The following CBLB variants were observed in gnomAD, a reference collection of about 807,000 sequenced individuals.
CBLB encodes Cbl proto-oncogene B.
A neutral mutation model predicts 104.9 loss-of-function variants in CBLB; 31 were observed. That is an observed-to-expected ratio of 0.30 (90% CI 0.22 to 0.40). The LOEUF (loss-of-function observed/expected upper bound fraction) is 0.40. Ranked by LOEUF, CBLB falls within the 10% of genes least tolerant of loss-of-function variation. CBLB has a pLI of 1.00. For synonymous variants in CBLB, 440 were observed against 422.6 expected (o/e 1.04, Z -0.51); for missense variants, 1,062 against 1,214.6 (o/e 0.87, Z 1.87).
At chr3:105,668,945 A>G (rs989169440) in intron 18 of CBLB, among the ~76,000 whole-genome samples, 1 of 152,224 alleles carries the variant, frequency 6.6e-6, no homozygotes, top group Non-Finnish European at 1.5e-5. Context: ...ACAAAAGTTC[A>G]TATAGGAAAA....
chr3:105,730,322 T>A (rs912609614), intron 9 of CBLB, among the ~76,000 whole-genome samples: 1 of 152,116 alleles, frequency 6.6e-6, no homozygotes, highest in African/African-American at 2.4e-5. Context: ...GCCTTAGATA[T>A]TCTAGGATTC....
chr3:105,856,773 C>A (rs2091661065), intron 2 of CBLB, among the ~76,000 whole-genome samples: 1 of 152,052 alleles, frequency 6.6e-6, no homozygotes, highest in Non-Finnish European at 1.5e-5. Flanking sequence ...TAAATAACAG[C>A]AAATCTTTAC....
chr3:105,756,628 C>T (rs2077106470), intron 4 of CBLB, among the ~76,000 whole-genome samples: 3 of 152,092 alleles, frequency 2.0e-5, no homozygotes, highest in Admixed American at 2.0e-4. Flanking sequence ...CTTTATGGGA[C>T]ATGCAAGAGT....
intron 2 of CBLB, among the ~76,000 whole-genome samples, chr3:105,859,829 T>C (rs1442323411): frequency 6.6e-6 from 1 of 151,950 alleles, no homozygotes; most frequent in Non-Finnish European, 1.5e-5. Context: ...AATTACTAAA[T>C]ATAAAAATTA....
At chr3:105,844,148 TAAGG>T (rs1282988386) in intron 3 of CBLB, among the ~76,000 whole-genome samples, 1 of 152,118 alleles carries the variant, frequency 6.6e-6, no homozygotes, top group Non-Finnish European at 1.5e-5. Flanking sequence ...TGCCATAAGC[TAAGG>T]AATTCCTGGA....
In CBLB at chr3:105,748,927, T is replaced by A. The variant is rs544675003; in HGVS notation, c.723+2535A>T. On this transcript the variant is annotated intron_variant, in intron 5 of 18. Transcript: ENST00000394030. ...TTTCTGCTAAATACCCCACTCCCAATAATTTAGTCAGAAGTCACTGCCAAT... is the reference window on the plus strand; with the variant it reads ...TTTCTGCTAAATACCCCACTCCCAAAAATTTAGTCAGAAGTCACTGCCAAT... Among the ~76,000 whole-genome samples, 4 of 152,288 alleles carry A rather than the reference T, an allele frequency of 2.6e-5. No homozygotes were observed. The East Asian group carries it at 7.7e-4, about 29-fold the overall frequency.
At position 105,867,553 on chromosome 3, in the gene CBLB, T is replaced by A; in HGVS notation, c.25A>T (p.Asn9Tyr). 6.2e-7 allele frequency: 1 copy of A among 1,614,196 alleles called. No homozygotes were observed. The highest frequency in any genetic ancestry group is 8.5e-7 in the Non-Finnish European group (1 of 1,180,030). MANSMNGR[N>Y]PGGRGGNPRK... ...GGATTTCCTCCTCGACCACCAGGGT[T>A]TCTGCCATTCATTGAGTTTGCCATC... The change falls in exon 2 of 19, where the codon AAC (asparagine) becomes TAC (tyrosine). Residue 9 changes from asparagine to tyrosine, a missense_variant. Around this residue, in one of 2 missense-constraint regions of CBLB, gnomAD observed 457 missense variants for 632.0 expected, o/e 0.72. Coordinates refer to ENST00000394030, the MANE Select transcript of CBLB (RefSeq NM_170662.5).
chr3:105,708,580 T>C (rs1413961313), intron 10 of CBLB, among the ~76,000 whole-genome samples: 2 of 152,042 alleles, frequency 1.3e-5, no homozygotes, highest in Admixed American at 1.3e-4. Flanking sequence ...TAAATAAATG[T>C]ATAACCTGAT....
intron 10 of CBLB, among the ~76,000 whole-genome samples, chr3:105,709,799 A>T (rs1187033729): frequency 6.6e-6 from 1 of 151,928 alleles, no homozygotes; most frequent in East Asian, 1.9e-4. Context: ...CGAATTTATG[A>T]ATATTTTTAA....
At chr3:105,744,198 G>A (rs1299009901) in intron 6 of CBLB, among the ~76,000 whole-genome samples, 2 of 152,056 alleles carry the variant, frequency 1.3e-5, no homozygotes, top group Non-Finnish European at 2.9e-5. Context: ...AAAAATAAAG[G>A]CCTCAGTTCC....
intron 18 of CBLB, among the ~76,000 whole-genome samples, chr3:105,661,152 A>C (rs918209460): frequency 9.9e-5 from 15 of 152,118 alleles, no homozygotes; most frequent in African/African-American, 3.4e-4. Flanking sequence ...CAAAATGTCC[A>C]GTTTTAGAAA....
chr3:105,854,369 C>A (rs1019230472), intron 2 of CBLB, among the ~76,000 whole-genome samples: 2 of 152,210 alleles, frequency 1.3e-5, no homozygotes, highest in African/African-American at 4.8e-5. Context: ...AATGTATTCA[C>A]TTCTACATGT....
chr3:105,673,769 A>AT (rs2065322805), intron 17 of CBLB: 1 of 152,222 alleles, frequency 6.6e-6, no homozygotes, highest in Non-Finnish European at 1.5e-5. Flanking sequence ...TGCAATTTTC[A>AT]TTCTTAACAT....
At chr3:105,718,580 T>C (rs141901857) in intron 10 of CBLB, among the ~76,000 whole-genome samples, 2 of 152,286 alleles carry the variant, frequency 1.3e-5, no homozygotes, top group South Asian at 2.1e-4. Context: ...GTGAATACAA[T>C]CTGATGCCAT....
chr3:105,775,107 C>A (rs2079298419), intron 4 of CBLB, among the ~76,000 whole-genome samples: 1 of 152,152 alleles, frequency 6.6e-6, no homozygotes, highest in Non-Finnish European at 1.5e-5. Flanking sequence ...CTAAATTCTT[C>A]ATTTCTGAAT....
At chr3:105,746,766 G>A (rs185022519) in intron 5 of CBLB, among the ~76,000 whole-genome samples, 1 of 152,252 alleles carries the variant, frequency 6.6e-6, no homozygotes, top group East Asian at 1.9e-4. Context: ...TGCATGACTT[G>A]GCAAAGGTTA....
Position 105,656,753 on chromosome 3 carries a change from T to G in CBLB, c.*2217A>C, listed in dbSNP as rs2063377734. 1 of 196,180 alleles carries G rather than the reference T, an allele frequency of 5.1e-6. No individual in the cohort carries two copies. Among genetic ancestry groups the G allele is most frequent in the East Asian group, 8.0e-5 (1 of 12,488 alleles). The allele number at this position is 196,180 out of a possible 1,614,324, so 12.2% of individuals were successfully genotyped here. A position where few individuals can be genotyped will look rare whatever the true frequency, so the allele number is the denominator to read the frequency against. On this transcript the variant is annotated 3_prime_UTR_variant, in exon 19 of 19. Transcript: ENST00000394030. ...TGTTCTCTAACATTCTTATTTTACA[T>G]CATTCTCTAATATATTAGGAATGTT...
chr3:105,715,177 C>T (rs2071674270), intron 10 of CBLB, among the ~76,000 whole-genome samples: 1 of 152,148 alleles, frequency 6.6e-6, no homozygotes, highest in Non-Finnish European at 1.5e-5. Context: ...TGAATGAAGT[C>T]AGAGAGAAGG....
intron 4 of CBLB, among the ~76,000 whole-genome samples, chr3:105,756,924 T>C (rs544699949): frequency 6.6e-6 from 1 of 152,246 alleles, no homozygotes; most frequent in East Asian, 1.9e-4. Context: ...ACCATCTCCT[T>C]GGTGCCATCC....
Sources: allele counts gnomAD v4.1 joint callset (sites outside exome capture counted in the v4.1 genomes callset), GRCh38; gene constraint gnomAD v4.1.1; regional missense constraint gnomAD v4.1.1; transcripts MANE v1.5; gene names NCBI Gene and HGNC (gene_info 2026-07-23, HGNC 2026-07-21).